ANKRD30A: variants seen among roughly 807,000 people sequenced by gnomAD.
The protein encoded by ANKRD30A is ankyrin repeat domain 30A, also known as ankyrin repeat domain-containing protein 30A.
ANKRD30A carries 170 observed loss-of-function variants against 166.3 expected under a neutral mutation model. The ratio of observed to expected loss-of-function variants is 1.02; its 90% CI spans 0.90 to 1.16. ANKRD30A has a LOEUF of 1.16. Among genes scored for constraint, ANKRD30A ranks in the 50% most tolerant of loss-of-function variants. The pLI is 0.00. For missense variants in ANKRD30A, 1,630 were observed against 1,518.0 expected, an observed-to-expected ratio of 1.07 and a Z score of -1.23; for synonymous variants, 564 against 508.9, an observed-to-expected ratio of 1.11 and a Z score of -1.46.
the ANKRD30A span, among the ~76,000 whole-genome samples, chr10:37,256,296 A>G: frequency 2.6e-5 from 4 of 152,174 alleles, no homozygotes. Flanking sequence ...TCACTCTGTC[A>G]CCAAGGCTGG....
In ANKRD30A at chr10:37,142,279, C is replaced by G. The variant is rs1440157624; in HGVS notation, c.1382C>G (p.Ala461Gly). Residue 461 changes from alanine (A) to glycine (G), a missense_variant, in exon 7 of 36, where the codon GCA (alanine) becomes GGA (glycine). Ala to Gly is a moderately conservative substitution (Grantham distance 60). This residue lies in a region of ANKRD30A where 904 missense variants were observed against 818.5 expected (regional missense o/e 1.10). Coordinates refer to ENST00000361713, the MANE Select transcript of ANKRD30A (RefSeq NM_052997.3). ...ACPTKESSTK[A>G]SANDQRFPSE... ...CCTACAAAAGAATCATCTACAAAAG[C>G]AAGTGCCAATGGTAAGATGCTAGAG... The G allele has an allele frequency of 3.8e-6, 6 of 1,591,792 alleles. No homozygotes were observed. Among genetic ancestry groups the G allele is most frequent in the Non-Finnish European group, 4.3e-6 (5 of 1,173,734 alleles).
chr10:37,183,981 T>C (rs545863394), intron 24 of ANKRD30A, among the ~76,000 whole-genome samples: 2 of 151,748 alleles, frequency 1.3e-5, no homozygotes, highest in African/African-American at 4.8e-5. Flanking sequence ...ACCCTGTCTC[T>C]ACTAAAAATA....
At chr10:37,197,519 C>T (rs768898762) in intron 29 of ANKRD30A, 39 bp downstream of exon 29, 11 of 1,609,894 alleles carry the variant, frequency 6.8e-6, no homozygotes, top group South Asian at 4.4e-5. Flanking sequence ...ACCAATATTT[C>T]AATATTGAAC....
At chr10:37,127,774 G>C (rs890947825) in intron 1 of ANKRD30A, among the ~76,000 whole-genome samples, 1 of 152,048 alleles carries the variant, frequency 6.6e-6, no homozygotes, top group Non-Finnish European at 1.5e-5. Flanking sequence ...AGTTTGTGAG[G>C]ATAAAAAGCA....
chr10:37,259,701 A>T, the ANKRD30A span, among the ~76,000 whole-genome samples: 1 of 152,252 alleles, frequency 6.6e-6, no homozygotes, highest in Non-Finnish European at 1.5e-5. Context: ...AACATGGATA[A>T]ATCTTACCAA....
Position 37,193,230 on chromosome 10 carries a change from A to G in ANKRD30A, c.2586A>G (p.Glu862=). Reference sequence around the variant, plus strand: ...TTTCTATTCCAACTAAAGCCTTAGAATTGATGGACATGCAAACTTTCAAAG... The same window carrying G: ...TTTCTATTCCAACTAAAGCCTTAGAGTTGATGGACATGCAAACTTTCAAAG... ...MKVSIPTKAL[E]LMDMQTFKAE... The change falls in exon 27 of 36, where the codon GAA becomes GAG. Residue 862 remains glutamate (E), a synonymous_variant. Coordinates refer to ENST00000361713, the MANE Select transcript of ANKRD30A (RefSeq NM_052997.3). 1 of 1,611,814 alleles carries G rather than the reference A, an allele frequency of 6.2e-7. No individual in the cohort carries two copies.
At chr10:37,172,207 TGGTGGCACGC>T (rs1351881400) in intron 21 of ANKRD30A, among the ~76,000 whole-genome samples, 1 of 98,298 alleles carries the variant, frequency 1.0e-5, no homozygotes, top group Non-Finnish European at 2.2e-5. Context: ...TAGCCGGACG[TGGTGGCACGC>T]ACTTCTAATA....
At chr10:37,211,889 G>T (rs905730469) in intron 31 of ANKRD30A, among the ~76,000 whole-genome samples, 23 of 152,160 alleles carry the variant, frequency 1.5e-4, no homozygotes, top group African/African-American at 5.5e-4. Flanking sequence ...GGCCAGTGAT[G>T]ATGAGCATTT....
chr10:37,241,364 A>G, the ANKRD30A span: 59 of 151,096 alleles, frequency 3.9e-4, no homozygotes, highest in South Asian at 7.3e-3. Context: ...TGATTTTTTA[A>G]TTTAACATAA....
At chr10:37,244,687 T>C in the ANKRD30A span, among the ~76,000 whole-genome samples, 2 of 152,230 alleles carry the variant, frequency 1.3e-5, no homozygotes, top group South Asian at 4.1e-4. Context: ...CAAGCTGCCC[T>C]TTTACACAGA....
At chr10:37,165,177 T>C (rs764907183) in intron 18 of ANKRD30A, 22 bp downstream of exon 18, 4 of 1,584,814 alleles carry the variant, frequency 2.5e-6, no homozygotes, top group South Asian at 1.1e-5. Flanking sequence ...TGTTGATTTT[T>C]TTAAATATTA....
chr10:37,246,344 C>G, the ANKRD30A span, among the ~76,000 whole-genome samples: 304 of 152,186 alleles, frequency 2.0e-3, 3 homozygotes, highest in African/African-American at 7.1e-3. Flanking sequence ...TGCATTTGTC[C>G]GATAAACTGA....
intron 13 of ANKRD30A, among the ~76,000 whole-genome samples, chr10:37,154,805 A>C (rs17590512): frequency 6.6e-6 from 1 of 152,196 alleles, no homozygotes; most frequent in Non-Finnish European, 1.5e-5. Flanking sequence ...TTACTGCAGA[A>C]TGCTAGAGTG....
chr10:37,149,992 G>C, intron 11 of ANKRD30A, 143 bp downstream of exon 11: 1 of 1,194,360 alleles, frequency 8.4e-7, no homozygotes, highest in Non-Finnish European at 1.1e-6. Context: ...ATTGATGTTT[G>C]AAAACCTGAT....
intron 4 of ANKRD30A, among the ~76,000 whole-genome samples, chr10:37,133,014 A>AG (rs1836470577): frequency 6.6e-6 from 1 of 152,072 alleles, no homozygotes; most frequent in Non-Finnish European, 1.5e-5. Flanking sequence ...AAAAAAAAAA[A>AG]GAAAAATTAA....
At chr10:37,195,770 T>C (rs1408660897) in intron 27 of ANKRD30A, among the ~76,000 whole-genome samples, 3 of 152,094 alleles carry the variant, frequency 2.0e-5, no homozygotes, top group Non-Finnish European at 4.4e-5. Context: ...GGCACGCATT[T>C]CTAATAATTT....
intron 11 of ANKRD30A, 73 bp downstream of exon 11, chr10:37,149,922 A>G: frequency 6.3e-7 from 1 of 1,577,312 alleles, no homozygotes; most frequent in Non-Finnish European, 8.6e-7. Context: ...TTCTATCCCC[A>G]ATGCTTTATT....
chr10:37,133,854 T>C (rs1402940942), intron 4 of ANKRD30A, 62 bp from the exon 5 acceptor site: 13 of 1,566,912 alleles, frequency 8.3e-6, no homozygotes, highest in Non-Finnish European at 1.0e-5. Context: ...AATTCTACAA[T>C]GACAGGCACA....
In ANKRD30A at chr10:37,199,607, A is replaced by C. The variant is rs550595016; in HGVS notation, c.2717-120A>C. ...AGTAGTCATTGTAATCAACAAAAAG[A>C]ATATACGGGCTACAGAGGAGGAACC... On this transcript the variant is annotated intron_variant, in intron 29 of 35. Transcript: ENST00000361713. 3 of 542,432 alleles carry C rather than the reference A, an allele frequency of 5.5e-6. 1 individual carries two copies. The South Asian group carries it at 6.6e-5, about 12-fold the overall frequency. The allele number at this position is 542,432 out of a possible 1,614,324, so 33.6% of individuals were successfully genotyped here.
Sources: allele counts gnomAD v4.1 joint callset (sites outside exome capture counted in the v4.1 genomes callset), GRCh38; gene constraint gnomAD v4.1.1; regional missense constraint gnomAD v4.1.1; transcripts MANE v1.5; gene names NCBI Gene and HGNC (gene_info 2026-07-23, HGNC 2026-07-21).